The following NUDT4 variants were observed in gnomAD, a reference collection of about 807,000 sequenced individuals.
The protein encoded by NUDT4 is nudix hydrolase 4.
A neutral mutation model predicts 23.1 loss-of-function variants in NUDT4; 5 were observed. The observed-to-expected ratio is 0.22, with a 90% CI of 0.11 to 0.46. The LOEUF is 0.46. Among genes scored for constraint, NUDT4 ranks in the 20% least tolerant of loss-of-function variants. The pLI, the probability that NUDT4 is intolerant of heterozygous loss-of-function variation, is 0.99. For missense variants in NUDT4, 96 were observed against 211.6 expected (o/e 0.45, Z 3.39); for synonymous variants, 50 against 79.0 (o/e 0.63, Z 1.95).
At chr12:93,393,940 C>G (rs904291086) in intron 1 of NUDT4, among the ~76,000 whole-genome samples, 2 of 152,188 alleles carry the variant, frequency 1.3e-5, no homozygotes, top group Admixed American at 6.5e-5. Flanking sequence ...TTGGAATATT[C>G]CATAACTAAA....
intron 1 of NUDT4, among the ~76,000 whole-genome samples, chr12:93,383,679 A>G (rs544657013): frequency 6.6e-6 from 1 of 152,284 alleles, no homozygotes; most frequent in African/African-American, 2.4e-5. Context: ...TAAAAATACA[A>G]TAATTAGCCA....
intron 3 of NUDT4, 67 bp from the exon 4 acceptor site, chr12:93,398,704 C>T: frequency 1.8e-6 from 2 of 1,096,010 alleles, no homozygotes; most frequent in South Asian, 2.7e-5. Flanking sequence ...TAATTTTTTT[C>T]CCTTGGAAAA....
intron 1 of NUDT4, among the ~76,000 whole-genome samples, chr12:93,389,187 A>G (rs1451787771): frequency 6.6e-6 from 1 of 152,110 alleles, no homozygotes; most frequent in Non-Finnish European, 1.5e-5. Context: ...TGAAAGATAC[A>G]TTTGGCTGGG....
intron 1 of NUDT4, among the ~76,000 whole-genome samples, chr12:93,390,668 G>C (rs1301488584): frequency 6.6e-6 from 1 of 152,056 alleles, no homozygotes; most frequent in Non-Finnish European, 1.5e-5. Flanking sequence ...GCAGTGGCAT[G>C]ATCACAGCTC....
rs1877536661 is a variant in NUDT4 at position 93,402,561 on chromosome 12, A to G, written c.*3182A>G. The G allele has an allele frequency of 6.6e-6, 1 of 152,066 alleles. No individual in the cohort carries two copies. The highest frequency in any genetic ancestry group is 6.5e-5 in the Admixed American group (1 of 15,276). 9.4% of individuals were successfully genotyped at this position (152,066 alleles called of 1,614,324 possible). ...ATACGTTACCTCTTCCTAGCGGTAC[A>G]TTTGTATGATCCTTACTACTGGAAT... On this transcript the variant is annotated 3_prime_UTR_variant, in exon 5 of 5. Coordinates refer to ENST00000415493, the MANE Select transcript of NUDT4 (RefSeq NM_019094.6).
rs1877599352 is a variant in NUDT4 at position 93,403,220 on chromosome 12, C to CT, written c.*3842dup. 1 of 151,918 alleles carries CT rather than the reference C, an allele frequency of 6.6e-6. No homozygotes were observed. Among genetic ancestry groups the CT allele is most frequent in the Non-Finnish European group, 1.5e-5 (1 of 67,992 alleles). 9.4% of individuals were successfully genotyped at this position (151,918 alleles called of 1,614,324 possible). A position where few individuals can be genotyped will look rare whatever the true frequency, so the allele number is the denominator to read the frequency against. The stretch of plus-strand genomic sequence containing the variant: ...TCAATAATAAGCATCTTCTTTATGC[C>CT]TAGTATTTGTGATAAGAGCACAAAA... On this transcript the variant is annotated 3_prime_UTR_variant, in exon 5 of 5. Coordinates refer to ENST00000415493, the MANE Select transcript of NUDT4 (RefSeq NM_019094.6).
chr12:93,388,792 A>G (rs1262348565), intron 1 of NUDT4, among the ~76,000 whole-genome samples: 2 of 152,234 alleles, frequency 1.3e-5, no homozygotes, highest in African/African-American at 4.8e-5. Flanking sequence ...GTAGATGTCC[A>G]ATATGTGACC....
At chr12:93,380,552 A>G (rs1012393102) in intron 1 of NUDT4, among the ~76,000 whole-genome samples, 2 of 152,216 alleles carry the variant, frequency 1.3e-5, no homozygotes, top group Admixed American at 1.3e-4. Flanking sequence ...AGAATTGAAG[A>G]GAGTGAGTCA....
chr12:93,399,300 C>G lies in NUDT4; in HGVS notation c.464C>G (p.Thr155Arg), dbSNP rs1213828218. 9.4e-7 allele frequency: 1 copy of G among 1,069,294 alleles called. No individual in the cohort carries two copies. Among genetic ancestry groups the G allele is most frequent in the Admixed American group, 1.7e-5 (1 of 57,384 alleles). 66.2% of individuals were successfully genotyped at this position (1,069,294 alleles called of 1,614,324 possible). A position where few individuals can be genotyped will look rare whatever the true frequency, so the allele number is the denominator to read the frequency against. The change falls in exon 5 of 5, where the codon ACA (threonine) becomes AGA (arginine). Residue 155 changes from threonine (T) to arginine (R), a missense_variant. By Grantham distance (71) the Thr-to-Arg change is moderately conservative. Transcript: ENST00000415493. ...LGCSPANGNS[T>R]VPSLPDNNAL... ...TGTTCCCCAGCCAATGGAAATTCTA[C>G]AGTCCCTTCCCTTCCGGATAATAAT... is the stretch of plus-strand genomic sequence containing the variant.
intron 1 of NUDT4, 63 bp downstream of exon 1, chr12:93,378,484 C>T: frequency 2.1e-6 from 3 of 1,427,752 alleles, no homozygotes; most frequent in South Asian, 2.8e-5. Context: ...CGGGTGCTTC[C>T]CCTCGCTCCC....
rs1249456629 is a variant in NUDT4, at chr12:93,406,854, A to T, written c.*7475A>T. On this transcript the variant is annotated 3_prime_UTR_variant, in exon 5 of 5. Coordinates refer to ENST00000415493, the MANE Select transcript of NUDT4 (RefSeq NM_019094.6). ...ACCAGTTCCCGACAAATACCAAGAG[A>T]TGACTTTACTTTAGACCTAAGATCT... 1 of 152,236 alleles carries T rather than the reference A, an allele frequency of 6.6e-6. No individual in the cohort carries two copies. The highest frequency in any genetic ancestry group is 1.9e-4 in the East Asian group (1 of 5,206). The allele number at this position is 152,236 out of a possible 1,614,324, so 9.4% of individuals were successfully genotyped here. A position where few individuals can be genotyped will look rare whatever the true frequency, so the allele number is the denominator to read the frequency against.
chr12:93,396,649 C>T (rs879120793), intron 3 of NUDT4, among the ~76,000 whole-genome samples: 2 of 152,188 alleles, frequency 1.3e-5, no homozygotes, highest in Admixed American at 6.5e-5. Context: ...CGTGGTGGCT[C>T]ATGCCTGTAA....
chr12:93,392,083 C>T (rs1162573368), intron 1 of NUDT4, among the ~76,000 whole-genome samples: 2 of 151,838 alleles, frequency 1.3e-5, no homozygotes, highest in East Asian at 1.9e-4. Flanking sequence ...AGGGTTTCAC[C>T]ATGTTGGCCA....
chr12:93,391,094 T>C (rs533491732), intron 1 of NUDT4, among the ~76,000 whole-genome samples: 10 of 152,146 alleles, frequency 6.6e-5, no homozygotes, highest in African/African-American at 2.2e-4. Flanking sequence ...CAGCAGCTCC[T>C]GGCAGCAGGG....
At position 93,381,520 on chromosome 12, in the gene NUDT4, A is replaced by G. The variant is rs368982132; in HGVS notation, c.99+3099A>G. Among the ~76,000 whole-genome samples, 100 of 152,362 alleles carry G rather than the reference A, an allele frequency of 6.6e-4. 1 individual carries two copies. The South Asian group carries it at 0.02, about 30-fold the overall frequency. On this transcript the variant is annotated intron_variant, in intron 1 of 4. Transcript: ENST00000415493. ...TCTTAGCTCCTAAGAATCATTCTGT[A>G]GGGAAAGGTTGGACAAGGGATCAAT...
rs544103393 is a variant in NUDT4, at chr12:93,395,838, G to A, written c.255+305G>A. Among the ~76,000 whole-genome samples the A allele has an allele frequency of 9.2e-5, 14 of 151,950 alleles. No homozygotes were observed. In the East Asian group the frequency reaches 9.7e-4, roughly 11 times the overall value. ...CAGATTCAAGCAATTCTCCTGCCTCGTCCTCCCAAGTAGTTGGGACTACAG... is the reference window on the plus strand; with the variant it reads ...CAGATTCAAGCAATTCTCCTGCCTCATCCTCCCAAGTAGTTGGGACTACAG... On this transcript the variant is annotated intron_variant, in intron 3 of 4. Transcript: ENST00000415493.
intron 1 of NUDT4, among the ~76,000 whole-genome samples, chr12:93,390,606 A>G (rs1565779644): frequency 6.6e-6 from 1 of 151,284 alleles, no homozygotes; most frequent in Non-Finnish European, 1.5e-5. Flanking sequence ...TAATGTAATA[A>G]CCCCCCCTCC....
At chr12:93,396,217 C>G (rs1234838644) in intron 3 of NUDT4, among the ~76,000 whole-genome samples, 2 of 135,816 alleles carry the variant, frequency 1.5e-5, no homozygotes, top group Admixed American at 7.8e-5. Context: ...TTGCCCTTAG[C>G]AAATATTATA....
chr12:93,382,997 C>T lies in NUDT4; in HGVS notation c.99+4576C>T, dbSNP rs186813989. Among the ~76,000 whole-genome samples the T allele has an allele frequency of 6.3e-4, 96 of 152,130 alleles. 1 individual carries two copies. Among genetic ancestry groups the T allele is most frequent in the Middle Eastern group, 3.4e-3 (1 of 292 alleles). On this transcript the variant is annotated intron_variant, in intron 1 of 4. Coordinates refer to ENST00000415493, the MANE Select transcript of NUDT4 (RefSeq NM_019094.6). Reference sequence around the variant, plus strand: ...TTTAAACACAGGGAAGTGTCACCAACTTCTTCATCTGTGCCTCCAGCTCTC... The same window carrying T: ...TTTAAACACAGGGAAGTGTCACCAATTTCTTCATCTGTGCCTCCAGCTCTC...
Sources: allele counts gnomAD v4.1 joint callset (sites outside exome capture counted in the v4.1 genomes callset), GRCh38; gene constraint gnomAD v4.1.1; transcripts MANE v1.5; gene names NCBI Gene and HGNC (gene_info 2026-07-23, HGNC 2026-07-21).